The following MACROD2 variants were observed in gnomAD, a reference collection of about 807,000 sequenced individuals.
MACROD2 encodes the protein ADP-ribose glycohydrolase MACROD2.
A neutral mutation model predicts 70.4 loss-of-function variants in MACROD2; 36 were observed. The observed-to-expected ratio is 0.51, with a 90% confidence interval of 0.39 to 0.68. The LOEUF (loss-of-function observed/expected upper bound fraction) is 0.68, where lower values mean the gene tolerates loss of function less well. MACROD2 is among the 30% of genes least tolerant of loss of function. The probability of loss-of-function intolerance (pLI) is 0.00; values close to 1 mark genes in which losing one functional copy is unlikely to be tolerated. For synonymous variants in MACROD2, 172 were observed against 178.8 expected, an observed-to-expected ratio of 0.96 and a Z score of 0.30; for missense variants, 496 against 538.4, an observed-to-expected ratio of 0.92 and a Z score of 0.78.
intron 5 of MACROD2, among the ~76,000 whole-genome samples, chr20:15,102,584 T>C (rs1057345700): frequency 4.6e-5 from 7 of 152,062 alleles, no homozygotes; most frequent in African/African-American, 1.4e-4. Context: ...TCATATGTAG[T>C]AAGAATAATA....
chr20:15,301,052 T>A (rs1234409653), intron 6 of MACROD2, among the ~76,000 whole-genome samples: 1 of 152,132 alleles, frequency 6.6e-6, no homozygotes, highest in Non-Finnish European at 1.5e-5. Context: ...GGAGAACGTG[T>A]TCTGCTTAAG....
intron 3 of MACROD2, among the ~76,000 whole-genome samples, chr20:14,288,457 C>G (rs990210971): frequency 6.6e-6 from 1 of 152,112 alleles, no homozygotes; most frequent in Non-Finnish European, 1.5e-5. Flanking sequence ...TTTTGGCTGT[C>G]CCTTGTAGGA....
intron 3 of MACROD2, among the ~76,000 whole-genome samples, chr20:14,283,100 T>C (rs1341636130): frequency 1.3e-5 from 2 of 152,192 alleles, no homozygotes; most frequent in African/African-American, 4.8e-5. Context: ...GCTAGTTCCA[T>C]GATACAACCT....
At chr20:15,110,344 G>A (rs1601087863) in intron 5 of MACROD2, among the ~76,000 whole-genome samples, 1 of 152,120 alleles carries the variant, frequency 6.6e-6, no homozygotes, top group Non-Finnish European at 1.5e-5. Flanking sequence ...TGGAATTGGG[G>A]ACATCAAGAT....
At chr20:14,635,969 TTAGTC>T (rs1369369234) in intron 4 of MACROD2, among the ~76,000 whole-genome samples, 1 of 152,170 alleles carries the variant, frequency 6.6e-6, no homozygotes, top group Non-Finnish European at 1.5e-5. Context: ...ATAAACTAAA[TTAGTC>T]TAATGTTCAA....
chr20:14,090,514 A>G (rs778296500), intron 3 of MACROD2, among the ~76,000 whole-genome samples: 1 of 151,270 alleles, frequency 6.6e-6, no homozygotes, highest in Non-Finnish European at 1.5e-5. Flanking sequence ...TGGAGGTTGC[A>G]ATGAGCCGAG....
intron 6 of MACROD2, among the ~76,000 whole-genome samples, chr20:15,345,755 C>T (rs140491278): frequency 7.8e-4 from 118 of 152,250 alleles, no homozygotes; most frequent in Middle Eastern, 3.4e-3. Context: ...CTGGAAGGTG[C>T]AGTCCTGGCT....
intron 4 of MACROD2, among the ~76,000 whole-genome samples, chr20:14,590,282 G>A (rs1233367805): frequency 1.3e-5 from 2 of 152,128 alleles, no homozygotes; most frequent in Admixed American, 6.6e-5. Flanking sequence ...TTACTAGTTA[G>A]AGGAAAGAGA....
At chr20:15,714,939 G>T (rs551944980) in intron 8 of MACROD2, among the ~76,000 whole-genome samples, 1 of 151,924 alleles carries the variant, frequency 6.6e-6, no homozygotes, top group East Asian at 1.9e-4. Context: ...AAATACTCAC[G>T]AATTTTAAAG....
At chr20:15,335,476 C>A (rs1014850856) in intron 6 of MACROD2, among the ~76,000 whole-genome samples, 3 of 150,486 alleles carry the variant, frequency 2.0e-5, no homozygotes, top group Admixed American at 1.3e-4. Context: ...TGTAATATTT[C>A]TTTTTTTTGC....
intron 6 of MACROD2, among the ~76,000 whole-genome samples, chr20:15,335,874 T>C (rs2038269): frequency 0.39 from 58,596 of 151,300 alleles, 11,971 homozygotes; most frequent in East Asian, 0.61. Context: ...AGGTCTTCAA[T>C]ACCGTTCCCT....
intron 3 of MACROD2, among the ~76,000 whole-genome samples, chr20:14,207,567 G>T (rs2081535069): frequency 6.6e-6 from 1 of 152,168 alleles, no homozygotes; most frequent in Non-Finnish European, 1.5e-5. Context: ...AACTTCCTTA[G>T]CTTATATGAG....
At chr20:14,625,407 A>C (rs1235830790) in intron 4 of MACROD2, among the ~76,000 whole-genome samples, 1 of 152,172 alleles carries the variant, frequency 6.6e-6, no homozygotes, top group Non-Finnish European at 1.5e-5. Context: ...TTGAATGGTC[A>C]TGAAGTGTGA....
intron 8 of MACROD2, among the ~76,000 whole-genome samples, chr20:15,569,959 A>G (rs542441847): frequency 3.9e-5 from 6 of 152,288 alleles, no homozygotes; most frequent in South Asian, 4.1e-4. Context: ...GAGACTGCAG[A>G]TATCTCTTTG....
intron 3 of MACROD2, among the ~76,000 whole-genome samples, chr20:14,262,489 G>A (rs1325097737): frequency 1.3e-5 from 2 of 152,170 alleles, no homozygotes; most frequent in Non-Finnish European, 2.9e-5. Context: ...GAAGTGTCTT[G>A]ACTAAAGTTC....
At chr20:15,933,410 C>T in intron 11 of MACROD2, 72 bp downstream of exon 11, 2 of 1,388,596 alleles carry the variant, frequency 1.4e-6, no homozygotes, top group Non-Finnish European at 2.0e-6. Context: ...TCACTCAATG[C>T]TATTGTCTGA....
In MACROD2 at chr20:14,263,972, AACACACACACACACACACACACAC is replaced by A. The variant is rs71190124; in HGVS notation, c.271+178276_271+178299del. 5.9e-3 allele frequency among the ~76,000 whole-genome samples: 751 copies of A among 127,180 alleles called. 4 individuals are homozygous for A. Among genetic ancestry groups the A allele is most frequent in the African/African-American group, 0.016 (508 of 32,404 alleles). The allele number at this position is 127,180 out of a possible 152,430, so 83.4% of individuals were successfully genotyped here. On this transcript the variant is annotated intron_variant, in intron 3 of 17. Coordinates refer to ENST00000684519, the MANE Select transcript of MACROD2 (RefSeq NM_001351661.2). Reference sequence around the variant, plus strand: ...GGGTGACAGAGCAAGACCCTATCTAAACACACACACACACACACACACACACACACACACACACACACACACACA... The same window carrying A: ...GGGTGACAGAGCAAGACCCTATCTAAACACACACACACACACACACACACA...
intron 6 of MACROD2, among the ~76,000 whole-genome samples, chr20:15,339,912 G>T (rs935083684): frequency 1.3e-5 from 2 of 148,736 alleles, no homozygotes; most frequent in Non-Finnish European, 2.9e-5. Context: ...TAATGCTGCA[G>T]TGAGTGGATT....
At chr20:15,052,435 G>A (rs1057079096) in intron 5 of MACROD2, among the ~76,000 whole-genome samples, 1 of 152,214 alleles carries the variant, frequency 6.6e-6, no homozygotes, top group Admixed American at 6.5e-5. Flanking sequence ...TTGTGCTCCT[G>A]TGTCACATTT....
Sources: gnomAD v4.1 joint callset for allele counts (sites outside exome capture counted in the v4.1 genomes callset) on GRCh38, gnomAD v4.1.1 for gene constraint, MANE v1.5 for transcripts, NCBI Gene and HGNC (gene_info 2026-07-23, HGNC 2026-07-21) for gene names.